The following CUZD1 variants were observed in gnomAD, a reference collection of about 807,000 sequenced individuals.
CUZD1 encodes CUB and zona pellucida-like domain-containing protein 1.
In CUZD1, 42 loss-of-function variants were observed where a neutral mutation model predicts 53.1. The observed-to-expected ratio is 0.79, with a 90% CI of 0.62 to 1.02. CUZD1 has a LOEUF of 1.02. Among genes scored for constraint, CUZD1 ranks in the 50% least tolerant of loss-of-function variants. CUZD1 has a pLI of 0.00. For missense variants in CUZD1, 670 were observed against 715.7 expected, an observed-to-expected ratio of 0.94 and a Z score of 0.73; for synonymous variants, 238 against 257.2, an observed-to-expected ratio of 0.93 and a Z score of 0.71.
Position 122,837,512 on chromosome 10 carries a change from G to A in CUZD1, c.491C>T (p.Ser164Phe). ...CTTTGGGTAATTGGGGCTGGTGAAG[G>A]ATCCTTCCAAGGTATCCAGGTAACC... ...CGGYLDTLEG[S>F]FTSPNYPKPH... is the part of the protein sequence containing the mutation. The change falls in exon 4 of 9, where the codon TCC (serine) becomes TTC (phenylalanine). Residue 164 changes from serine (S) to phenylalanine (F), a missense_variant. By Grantham distance (155) the Ser-to-Phe change is radical (BLOSUM62 -2). Coordinates refer to ENST00000392790, the MANE Select transcript of CUZD1 (RefSeq NM_022034.6). 1 of 1,607,120 alleles carries A rather than the reference G, an allele frequency of 6.2e-7. No homozygotes were observed. Among genetic ancestry groups the A allele is most frequent in the Non-Finnish European group, 8.5e-7 (1 of 1,176,614 alleles).
In CUZD1 at chr10:122,834,997, T is replaced by C; in HGVS notation, c.1091A>G (p.Lys364Arg). 1 of 1,613,814 alleles carries C rather than the reference T, an allele frequency of 6.2e-7. No homozygotes were observed. The highest frequency in any genetic ancestry group is 1.3e-5 in the African/African-American group (1 of 75,052). ...TRQKQLQIIV[K>R]CEMGHNSTVE... ...TGTAGAATTATGTCCCATTTCACAC[T>C]TCACAATAATCTGGAGTTGTTTCTG... The change falls in exon 7 of 9, where the codon AAG (lysine) becomes AGG (arginine). Residue 364 changes from lysine (K) to arginine (R), a missense_variant. Physicochemically the swap from Lys to Arg is conservative, Grantham distance 26. Coordinates refer to ENST00000392790, the MANE Select transcript of CUZD1 (RefSeq NM_022034.6).
intron 7 of CUZD1, 92 bp downstream of exon 7, chr10:122,834,614 T>C (rs926663534): frequency 4.0e-6 from 4 of 1,007,250 alleles, no homozygotes; most frequent in East Asian, 5.5e-5. Context: ...CTAGGAAAAA[T>C]GTATATATAC....
At chr10:122,838,983 G>A in intron 3 of CUZD1, 34 bp downstream of exon 3, 1 of 1,497,236 alleles carries the variant, frequency 6.7e-7, no homozygotes, top group South Asian at 1.1e-5. Context: ...GCTTGTAGGA[G>A]ATGTGGGTGA....
intron 4 of CUZD1, among the ~76,000 whole-genome samples, 171 bp downstream of exon 4, chr10:122,837,233 A>C (rs1328168528): frequency 1.3e-5 from 2 of 152,140 alleles, no homozygotes; most frequent in African/African-American, 4.8e-5. Context: ...TCTTCAGAAA[A>C]ATAGTCAACT....
At chr10:122,840,095 C>T (rs911252869) in intron 2 of CUZD1, among the ~76,000 whole-genome samples, 2 of 152,192 alleles carry the variant, frequency 1.3e-5, no homozygotes, top group African/African-American at 2.4e-5. Flanking sequence ...TTTCTCTTCC[C>T]CTCTCTTCTT....
intron 4 of CUZD1, 43 bp from the exon 5 acceptor site, chr10:122,837,091 T>G (rs1847266211): frequency 3.7e-6 from 5 of 1,366,632 alleles, no homozygotes; most frequent in Non-Finnish European, 5.1e-6. Context: ...TTCAAACCAA[T>G]TCAATTCTAT....
At chr10:122,841,407 A>C (rs1847344877) in intron 1 of CUZD1, 79 bp from the exon 2 acceptor site, 1 of 1,400,344 alleles carries the variant, frequency 7.1e-7, no homozygotes, top group Non-Finnish European at 9.6e-7. Context: ...TCTACCTCTC[A>C]CATGTAATAT....
intron 5 of CUZD1, 107 bp from the exon 6 acceptor site, chr10:122,836,457 T>C (rs1847252890): frequency 1.0e-6 from 1 of 996,112 alleles, no homozygotes; most frequent in Non-Finnish European, 1.4e-6. Flanking sequence ...GTCAAAACCA[T>C]TTTGCCCTAA....
At position 122,841,181 on chromosome 10, in the gene CUZD1, A is replaced by G; in HGVS notation, c.230T>C (p.Val77Ala). The G allele has an allele frequency of 6.2e-7, 1 of 1,612,456 alleles. No homozygotes were observed. Among genetic ancestry groups the G allele is most frequent in the East Asian group, 2.2e-5 (1 of 44,870 alleles). The change falls in exon 2 of 9, where the codon GTC becomes GCC. Residue 77 changes from valine (V) to alanine (A), a missense_variant. Coordinates refer to ENST00000392790, the MANE Select transcript of CUZD1 (RefSeq NM_022034.6). The stretch of plus-strand genomic sequence containing the variant: ...GGAAACTAAAGCTTCTACTTACTGG[A>G]CATAGGAAAAGATAATTCTGATGCT... ...NKSIRIIFSY[V>A]QLDPDGSCES...
chr10:122,836,911 A>G lies in CUZD1; in HGVS notation c.737T>C (p.Val246Ala), dbSNP rs751069867. The G allele has an allele frequency of 1.9e-6, 3 of 1,614,140 alleles. No homozygotes were observed. The highest frequency in any genetic ancestry group is 4.5e-5 in the East Asian group (2 of 44,888). The change falls in exon 5 of 9, where the codon GTG (valine) becomes GCG (alanine). Residue 246 changes from valine (V) to alanine (A), a missense_variant. Physicochemically the swap from Val to Ala is moderately conservative, Grantham distance 64. Coordinates refer to ENST00000392790, the MANE Select transcript of CUZD1 (RefSeq NM_022034.6). Reference protein sequence around the residue: ...FESSSNSLTVVLSTDYANSYR... With the variant: ...FESSSNSLTVALSTDYANSYR... ...AGAATTGGCATAATCTGTAGACAAC[A>G]CGACAGTCAGAGAGTTTGATGACGA...
At chr10:122,842,738 T>C (rs1481096902) in intron 1 of CUZD1, among the ~76,000 whole-genome samples, 1 of 152,216 alleles carries the variant, frequency 6.6e-6, no homozygotes, top group Non-Finnish European at 1.5e-5. Flanking sequence ...ATTTCTAGAA[T>C]GTATAAAGAA....
chr10:122,844,869 T>C (rs1490709137), intron 1 of CUZD1, among the ~76,000 whole-genome samples: 1 of 152,124 alleles, frequency 6.6e-6, no homozygotes, highest in Non-Finnish European at 1.5e-5. Context: ...TTCTCCCATA[T>C]ACTCCCATAA....
At chr10:122,833,010 C>T (rs1359242591) in intron 8 of CUZD1, among the ~76,000 whole-genome samples, 2 of 152,158 alleles carry the variant, frequency 1.3e-5, no homozygotes, top group African/African-American at 2.4e-5. Context: ...AAACCAGAAC[C>T]ATACTCCTTT....
In CUZD1 at chr10:122,840,416, G is replaced by C. The variant is rs191292249; in HGVS notation, c.233+762C>G. Among the ~76,000 whole-genome samples, 20 of 152,168 alleles carry C rather than the reference G, an allele frequency of 1.3e-4. No individual in the cohort carries two copies. The East Asian group carries it at 3.7e-3, about 28-fold the overall frequency. On this transcript the variant is annotated intron_variant, in intron 2 of 8. Transcript: ENST00000392790. ...AAGTGTAAGAACCACTGGGACAGGCGTAAGAGGGGGGCTCTGGAGCCAGGC... is the reference window on the plus strand; with the variant it reads ...AAGTGTAAGAACCACTGGGACAGGCCTAAGAGGGGGGCTCTGGAGCCAGGC...
In CUZD1 at chr10:122,832,205, A is replaced by G. The variant is rs949163760; in HGVS notation, c.*73T>C. On this transcript the variant is annotated 3_prime_UTR_variant, in exon 9 of 9. Coordinates refer to ENST00000392790, the MANE Select transcript of CUZD1 (RefSeq NM_022034.6). ...AGGCCCTTCCTCATTTATTCATAAT[A>G]TGTGTAGCCACGAGGTAGCATTTCC... 7 of 1,478,630 alleles carry G rather than the reference A, an allele frequency of 4.7e-6. No homozygotes were observed. In the African/African-American group the frequency reaches 8.3e-5, roughly 18 times the overall value. 91.6% of individuals were successfully genotyped at this position (1,478,630 alleles called of 1,614,324 possible).
In CUZD1 at chr10:122,836,649, T is replaced by C. The variant is rs148836021; in HGVS notation, c.817+182A>G. Among the ~76,000 whole-genome samples the C allele has an allele frequency of 1.2e-3, 186 of 152,318 alleles. 1 individual carries two copies. The highest frequency in any genetic ancestry group is 8.3e-4 in the South Asian group (4 of 4,826). On this transcript the variant is annotated intron_variant, in intron 5 of 8. Transcript: ENST00000392790. ...TTTTTCAGGTTAATAAAATCATTAA[T>C]TTCCTCTTGCATTAAGCAATGCACA...
At position 122,845,746 on chromosome 10, in the gene CUZD1, G is replaced by C. The variant is rs756485844; in HGVS notation, c.82+16C>G. On this transcript the variant is annotated intron_variant, in intron 1 of 8. Transcript: ENST00000392790. ...CTTCTCTGTTTTGGTGAATAAATCT[G>C]GTTCAATTTTCTTACCTTCAGCCTC... 1 of 1,610,046 alleles carries C rather than the reference G, an allele frequency of 6.2e-7. No homozygotes were observed. Among genetic ancestry groups the C allele is most frequent in the Non-Finnish European group, 8.5e-7 (1 of 1,177,544 alleles).
chr10:122,836,155 C>G (rs773562299), intron 6 of CUZD1, 23 bp downstream of exon 6: 1 of 1,577,938 alleles, frequency 6.3e-7, no homozygotes, highest in Non-Finnish European at 8.6e-7. Flanking sequence ...TGACAAAATC[C>G]AGCTATCAGT....
At position 122,835,914 on chromosome 10, in the gene CUZD1, G is replaced by A. The variant is rs1055364842; in HGVS notation, c.990+264C>T. Among the ~76,000 whole-genome samples, 10 of 152,082 alleles carry A rather than the reference G, an allele frequency of 6.6e-5. No homozygotes were observed. In the South Asian group the frequency reaches 1.0e-3, roughly 16 times the overall value. ...TTAAGCCAACTGCATATAGATGTTC[G>A]AACTCTCTTTAGTGAGTTTTCAGAG... is the stretch of plus-strand genomic sequence containing the variant. On this transcript the variant is annotated intron_variant, in intron 6 of 8. Transcript: ENST00000392790.
Sources: gnomAD v4.1 joint callset for allele counts (sites outside exome capture counted in the v4.1 genomes callset) on GRCh38, gnomAD v4.1.1 for gene constraint, MANE v1.5 for transcripts, NCBI Gene and HGNC (gene_info 2026-07-23, HGNC 2026-07-21) for gene names.